Variants in HERPUD1 observed in about 807,000 individuals in gnomAD.
HERPUD1 encodes homocysteine inducible ER protein with ubiquitin like domain 1.
HERPUD1 carries 17 observed loss-of-function variants against 45.0 expected under a neutral mutation model. That is an observed-to-expected ratio of 0.38 (90% CI 0.26 to 0.57). The LOEUF (loss-of-function observed/expected upper bound fraction) is 0.57, where lower values mean the gene tolerates loss of function less well. HERPUD1 is among the 20% of genes least tolerant of loss of function. HERPUD1 has a pLI of 0.72. For missense variants in HERPUD1, 420 were observed against 490.5 expected, an observed-to-expected ratio of 0.86 and a Z score of 1.36; for synonymous variants, 164 against 177.5, an observed-to-expected ratio of 0.92 and a Z score of 0.61.
At chr16:56,939,848 C>G in intron 5 of HERPUD1, 47 bp from the exon 6 acceptor site, 1 of 1,435,382 alleles carries the variant, frequency 7.0e-7, no homozygotes, top group Admixed American at 1.8e-5. Context: ...ACAGACTTCA[C>G]GGTGCTTTGG....
At chr16:56,937,524 A>G (rs1040286950) in intron 4 of HERPUD1, 8 of 152,070 alleles carry the variant, frequency 5.3e-5, no homozygotes, top group Admixed American at 6.6e-5. Context: ...AATATACACA[A>G]CAGTGGGGAC....
At position 56,935,411 on chromosome 16, in the gene HERPUD1, G is replaced by A. The variant is rs1424612897; in HGVS notation, c.236G>A (p.Arg79Gln). 1.9e-6 allele frequency: 3 copies of A among 1,614,092 alleles called. No homozygotes were observed. The highest frequency in any genetic ancestry group is 2.5e-6 in the Non-Finnish European group (3 of 1,180,004). ...TCGTATTACTTTTAGCAGGAAAAAC[G>A]GCATGTTTTGCATCTGGTGTGCAAT... Reference protein sequence around the residue: ...LRDLLPKQEKRHVLHLVCNVK... With the variant: ...LRDLLPKQEKQHVLHLVCNVK... Residue 79 changes from arginine to glutamine, a missense_variant, in exon 3 of 8, where the codon CGG becomes CAG. By Grantham distance (43) the Arg-to-Gln change is conservative. Transcript: ENST00000439977.
chr16:56,932,405 C>A lies in HERPUD1; in HGVS notation c.147+14C>A. On this transcript the variant is annotated intron_variant, in intron 1 of 7. Coordinates refer to ENST00000439977, the MANE Select transcript of HERPUD1 (RefSeq NM_014685.4). The stretch of plus-strand genomic sequence containing the variant: ...CCCGAGCGTCCGGTGAGAGCGGCCC[C>A]GACTTCCCGCCCCTAGGCTGTGGCC... 6.4e-7 allele frequency: 1 copy of A among 1,557,466 alleles called. No homozygotes were observed. The highest frequency in any genetic ancestry group is 8.6e-7 in the Non-Finnish European group (1 of 1,156,386).
chr16:56,937,009 A>G (rs769032678), intron 4 of HERPUD1, 192 bp downstream of exon 4: 25 of 444,168 alleles, frequency 5.6e-5, no homozygotes, highest in Non-Finnish European at 8.4e-5. Flanking sequence ...TTTAGTACAC[A>G]CAAATTTAAA....
intron 6 of HERPUD1, chr16:56,941,301 A>T (rs2055907503): frequency 6.6e-6 from 1 of 152,254 alleles, no homozygotes; most frequent in Non-Finnish European, 1.5e-5. Flanking sequence ...GGCCCGAAGC[A>T]GTAGTTCTCA....
intron 7 of HERPUD1, among the ~76,000 whole-genome samples, chr16:56,942,734 G>C (rs999920563): frequency 3.3e-5 from 5 of 152,150 alleles, no homozygotes; most frequent in Non-Finnish European, 7.4e-5. Flanking sequence ...ATTCTCAGCT[G>C]CTAGGGAGGC....
At chr16:56,937,638 T>C (rs2055876836) in intron 4 of HERPUD1, among the ~76,000 whole-genome samples, 1 of 151,502 alleles carries the variant, frequency 6.6e-6, no homozygotes, top group African/African-American at 2.4e-5. Context: ...AAAAAGAGTA[T>C]TTAAAAGTAA....
At chr16:56,935,720 A>G in intron 3 of HERPUD1, 1 of 517,498 alleles carries the variant, frequency 1.9e-6, no homozygotes. Context: ...CTTATGGGAT[A>G]TGATTTGATC....
chr16:56,940,099 T>A lies in HERPUD1; in HGVS notation c.759T>A (p.Ile253=). The A allele has an allele frequency of 3.7e-6, 6 of 1,614,248 alleles. No individual in the cohort carries two copies. In the South Asian group the frequency reaches 4.4e-5, roughly 12 times the overall value. The part of the protein sequence containing the change: ...NLRMNAQGGP[I]VEEDDEINRD... ...GGATGAATGCACAAGGTGGCCCTAT[T>A]GTGGAAGAAGATGATGAAATAAATC... is the stretch of plus-strand genomic sequence containing the variant. Residue 253 remains isoleucine, a synonymous_variant, in exon 6 of 8, where the codon ATT becomes ATA. Coordinates refer to ENST00000439977, the MANE Select transcript of HERPUD1 (RefSeq NM_014685.4).
At chr16:56,938,587 A>C (rs1427843548) in intron 4 of HERPUD1, among the ~76,000 whole-genome samples, 1 of 150,414 alleles carries the variant, frequency 6.6e-6, no homozygotes, top group Admixed American at 6.6e-5. Flanking sequence ...AGAAGCATGC[A>C]TTTGACATCA....
intron 6 of HERPUD1, chr16:56,940,967 A>T (rs1420883170): frequency 6.6e-6 from 1 of 152,192 alleles, no homozygotes; most frequent in Non-Finnish European, 1.5e-5. Context: ...TAGAATAAAT[A>T]CATAATAAAT....
At position 56,932,163 on chromosome 16, in the gene HERPUD1, G is replaced by C. The variant is rs1042536333; in HGVS notation, c.-82G>C. ...GCGCGCCCCAGAGACGTGAACTGTC[G>C]TTGCAGAGATTGCGGGCGGCTGAGA... On this transcript the variant is annotated 5_prime_UTR_variant, in exon 1 of 8. Transcript: ENST00000439977. The C allele has an allele frequency of 6.4e-7, 1 of 1,559,610 alleles. No individual in the cohort carries two copies. Among genetic ancestry groups the C allele is most frequent in the Non-Finnish European group, 8.6e-7 (1 of 1,159,600 alleles).
At chr16:56,932,712 C>A (rs1048227753) in intron 1 of HERPUD1, among the ~76,000 whole-genome samples, 4 of 152,264 alleles carry the variant, frequency 2.6e-5, no homozygotes, top group African/African-American at 9.6e-5. Flanking sequence ...AAGAAAACAT[C>A]CGTGCTGCAA....
At chr16:56,934,240 G>A (rs1268832708) in intron 1 of HERPUD1, among the ~76,000 whole-genome samples, 2 of 152,074 alleles carry the variant, frequency 1.3e-5, no homozygotes, top group Non-Finnish European at 2.9e-5. Flanking sequence ...CAATTTAGAC[G>A]GAGTTTCAAA....
chr16:56,932,646 C>T (rs1395900350), intron 1 of HERPUD1, among the ~76,000 whole-genome samples: 1 of 152,260 alleles, frequency 6.6e-6, no homozygotes, highest in African/African-American at 2.4e-5. Context: ...TGTTTCTCCC[C>T]CAGCGGCCAG....
At position 56,942,168 on chromosome 16, in the gene HERPUD1, G is replaced by A. The variant is rs754958242; in HGVS notation, c.942G>A (p.Pro314=). 6.2e-6 allele frequency: 10 copies of A among 1,614,016 alleles called. No individual in the cohort carries two copies. The highest frequency in any genetic ancestry group is 1.6e-4 in the Middle Eastern group (1 of 6,062). The change falls in exon 7 of 8, where the codon CCG becomes CCA. Residue 314 remains proline, a synonymous_variant. Transcript: ENST00000439977. ...GGTGGTTTCCATTTAGACCGAGGCC[G>A]GTTCAGAACTTCCCAAATGATGGTC... The part of the protein sequence containing the change: ...HVGWFPFRPR[P]VQNFPNDGPP...
chr16:56,934,646 T>TAGG lies in HERPUD1; in HGVS notation c.148-586_148-584dup, dbSNP rs561810909. 1.2e-3 allele frequency among the ~76,000 whole-genome samples: 176 copies of TAGG among 151,076 alleles called. 1 individual carries two copies. The highest frequency in any genetic ancestry group is 4.1e-3 in the African/African-American group (170 of 41,100). ...GTTTGCTGTTTGTTGCTTTTAGTAA[T>TAGG]AGGAGTCAGTCAGTTTACCTGGGAG... On this transcript the variant is annotated intron_variant, in intron 1 of 7. Transcript: ENST00000439977.
chr16:56,934,523 T>C (rs1294652538), intron 1 of HERPUD1, among the ~76,000 whole-genome samples: 4 of 152,044 alleles, frequency 2.6e-5, no homozygotes, highest in African/African-American at 9.7e-5. Flanking sequence ...TAGCTTCATA[T>C]TATTTTGGGG....
intron 4 of HERPUD1, among the ~76,000 whole-genome samples, chr16:56,938,292 G>A (rs1366058414): frequency 1.3e-5 from 2 of 152,028 alleles, no homozygotes; most frequent in Non-Finnish European, 1.5e-5. Context: ...GGCCGGGCGC[G>A]GTGGCTCACA....
Sources: allele counts gnomAD v4.1 joint callset (sites outside exome capture counted in the v4.1 genomes callset), GRCh38; gene constraint gnomAD v4.1.1; transcripts MANE v1.5; gene names NCBI Gene and HGNC (gene_info 2026-07-23, HGNC 2026-07-21).